The following LENG9 variants were observed in gnomAD, a reference collection of about 807,000 sequenced individuals.
LENG9 encodes leukocyte receptor cluster (LRC) member 9.
For missense variants in LENG9, 872 were observed against 652.7 expected (o/e 1.34, Z -3.66); for synonymous variants, 410 against 303.9 (o/e 1.35, Z -3.63).
chr19:54,462,692 A>G lies in LENG9; in HGVS notation c.835T>C (p.Trp279Arg), dbSNP rs1486427513. Reference sequence around the variant, plus strand: ...AGGCGGGCCCTTTTGTCCTCGGGCCAGGCCGCAGGACCCCACTCGGCTTCT... The same window carrying G: ...AGGCGGGCCCTTTTGTCCTCGGGCCGGGCCGCAGGACCCCACTCGGCTTCT... ...TTEAEWGPAA[W>R]PEDKRARLSV... The change falls in exon 1 of 1, where the codon TGG (tryptophan) becomes CGG (arginine). Residue 279 changes from tryptophan to arginine, a missense_variant. Coordinates refer to ENST00000611161, the MANE Select transcript of LENG9 (RefSeq NM_001301782.2). 1.2e-6 allele frequency: 2 copies of G among 1,611,176 alleles called. No individual in the cohort carries two copies. The highest frequency in any genetic ancestry group is 2.2e-5 in the South Asian group (2 of 91,082).
At position 54,463,518 on chromosome 19, in the gene LENG9, C is replaced by T. The variant is rs773005465; in HGVS notation, c.9G>A (p.Ala3=). 327 of 1,360,410 alleles carry T rather than the reference C, an allele frequency of 2.4e-4. No homozygotes were observed. The highest frequency in any genetic ancestry group is 1.9e-4 in the Admixed American group (6 of 32,136). 84.3% of individuals were successfully genotyped at this position (1,360,410 alleles called of 1,614,324 possible). Residue 3 remains alanine, a synonymous_variant, in exon 1 of 1, where the codon GCG becomes GCA. Coordinates refer to ENST00000611161, the MANE Select transcript of LENG9 (RefSeq NM_001301782.2). MA[A]AREPELPQEA... ...CCTGCGGCAACTCCGGCTCTCTGGC[C>T]GCTGCCATGGGTGCGGGGAACTGGC...
In LENG9 at chr19:54,463,734, C is replaced by G. The variant is rs1203143012; in HGVS notation, c.-208G>C. 1.7e-6 allele frequency: 1 copy of G among 593,588 alleles called. No individual in the cohort carries two copies. The highest frequency in any genetic ancestry group is 4.5e-5 in the Admixed American group (1 of 22,050). The allele number at this position is 593,588 out of a possible 1,614,324, so 36.8% of individuals were successfully genotyped here. A position where few individuals can be genotyped will look rare whatever the true frequency, so the allele number is the denominator to read the frequency against. ...CCTGACACCGCTGCTCTGGGACTTC[C>G]CGGCTGCGCCCTCCCCCAGCGCCAG... On this transcript the variant is annotated 5_prime_UTR_variant, in exon 1 of 1. Transcript: ENST00000611161.
rs1321883221 is a variant in LENG9, at chr19:54,461,806, T to G, written c.*284A>C. The G allele has an allele frequency of 2.6e-5, 12 of 467,666 alleles. No homozygotes were observed. Among genetic ancestry groups the G allele is most frequent in the East Asian group, 1.4e-4 (2 of 14,070 alleles). 29.0% of individuals were successfully genotyped at this position (467,666 alleles called of 1,614,324 possible). On this transcript the variant is annotated 3_prime_UTR_variant, in exon 1 of 1. Transcript: ENST00000611161. The stretch of plus-strand genomic sequence containing the variant: ...CTCCTCTCCCTTTTCTTTTTGGCCC[T>G]CCCTCCCTCCCTCTTCTGCCATGTA...
In LENG9 at chr19:54,462,630, ATGTG is replaced by A. The variant is rs763512581; in HGVS notation, c.893_896del (p.Thr298IlefsTer7). On this transcript the variant is annotated frameshift_variant, in exon 1 of 1. Transcript: ENST00000611161. LOFTEE classifies it low-confidence loss of function (END_TRUNC). ...GCTCGGTCACCATGAGGGCCACAAA[ATGTG>A]TGGGGCGCGGTTGGCAAGGGGCTGC... 5.8e-5 allele frequency: 93 copies of A among 1,613,476 alleles called. No individual in the cohort carries two copies. Among genetic ancestry groups the A allele is most frequent in the Non-Finnish European group, 7.2e-5 (85 of 1,180,022 alleles).
In LENG9 at chr19:54,462,426, C is replaced by T. The variant is rs375081831; in HGVS notation, c.1101G>A (p.Pro367=). 3.0e-5 allele frequency: 49 copies of T among 1,613,460 alleles called. No individual in the cohort carries two copies. Among genetic ancestry groups the T allele is most frequent in the Non-Finnish European group, 4.1e-5 (48 of 1,179,904 alleles). ...TCAGCCGAGGGGGTGCATTTAGCCC[C>T]GGGGCCAAGAGGGCCCGTCTCAGAG... ...IGALRRALLA[P]GLNAPPRLSF... is the part of the protein sequence containing the mutation. Residue 367 remains proline (P), a synonymous_variant, in exon 1 of 1, where the codon CCG becomes CCA. Coordinates refer to ENST00000611161, the MANE Select transcript of LENG9 (RefSeq NM_001301782.2).
rs758371777 is a variant in LENG9, at chr19:54,463,066, C to T, written c.461G>A (p.Arg154His). ...LVFGSGSAAG[R>H]GPTILDAPNT... is the part of the protein sequence containing the mutation. ...CGGTGCGTCCAGGATGGTGGGCCCG[C>T]GTCCCGCCGCCGAGCCAGAGCCAAA... Residue 154 changes from arginine (R) to histidine (H), a missense_variant, in exon 1 of 1, where the codon CGC becomes CAC. Physicochemically the swap from Arg to His is conservative, Grantham distance 29. Coordinates refer to ENST00000611161, the MANE Select transcript of LENG9 (RefSeq NM_001301782.2). The T allele has an allele frequency of 1.4e-5, 23 of 1,601,516 alleles. No homozygotes were observed. In the South Asian group the frequency reaches 2.5e-4, roughly 18 times the overall value.
Position 54,463,124 on chromosome 19 carries a change from C to T in LENG9, c.403G>A (p.Val135Met), listed in dbSNP as rs1465599635. The change falls in exon 1 of 1, where the codon GTG becomes ATG. Residue 135 changes from valine (V) to methionine (M), a missense_variant. Transcript: ENST00000611161. ...VRFFRFRGRL[V>M]WDRASRTDLV... ...TCGGTGCGCGAGGCGCGGTCCCACA[C>T]AAGGCGGCCACGGAAGCGGAAGAAG... 4.4e-6 allele frequency: 7 copies of T among 1,599,152 alleles called. No individual in the cohort carries two copies. The highest frequency in any genetic ancestry group is 5.9e-6 in the Non-Finnish European group (7 of 1,177,976).
rs753652584 is a variant in LENG9 at position 54,461,763 on chromosome 19, TTTAAG to T, written c.*322_*326del. The T allele has an allele frequency of 3.0e-4, 166 of 559,092 alleles. 1 individual carries two copies. Among genetic ancestry groups the T allele is most frequent in the African/African-American group, 9.2e-4 (49 of 53,528 alleles). 34.6% of individuals were successfully genotyped at this position (559,092 alleles called of 1,614,324 possible). On this transcript the variant is annotated 3_prime_UTR_variant, in exon 1 of 1. Transcript: ENST00000611161. ...TCTCTTTTCTTTGTGTGTGTGTTTA[TTTAAG>T]TTATTTTTCTTCCTCCTCTCCCTTT...
Position 54,462,355 on chromosome 19 carries a change from G to A in LENG9, c.1172C>T (p.Pro391Leu). The change falls in exon 1 of 1, where the codon CCA (proline) becomes CTA (leucine). Residue 391 changes from proline to leucine, a missense_variant. By Grantham distance (98) the Pro-to-Leu change is moderately conservative. Transcript: ENST00000611161. ...VLLGPHVLCA[P>L]PSPTLESMAQ... is the part of the protein sequence containing the mutation. Reference sequence around the variant, plus strand: ...CATGCTTTCCAGTGTGGGAGAGGGTGGGGCACACAGCACATGCGGGCCCAG... The same window carrying A: ...CATGCTTTCCAGTGTGGGAGAGGGTAGGGCACACAGCACATGCGGGCCCAG... The A allele has an allele frequency of 6.2e-7, 1 of 1,611,082 alleles. No individual in the cohort carries two copies.
In LENG9 at chr19:54,463,149, G is replaced by A. The variant is rs749644477; in HGVS notation, c.378C>T (p.Arg126=). 3 of 1,593,238 alleles carry A rather than the reference G, an allele frequency of 1.9e-6. No homozygotes were observed. Among genetic ancestry groups the A allele is most frequent in the Non-Finnish European group, 1.7e-6 (2 of 1,175,594 alleles). Residue 126 remains arginine (R), a synonymous_variant, in exon 1 of 1, where the codon CGC becomes CGT. Transcript: ENST00000611161. ...CAAGGCGGCCACGGAAGCGGAAGAA[G>A]CGCACGCGGTGCTGGGGCACTGCCA... The part of the protein sequence containing the change: ...GVLAVPQHRV[R]FFRFRGRLVW...
At position 54,462,769 on chromosome 19, in the gene LENG9, C is replaced by T. The variant is rs1242706565; in HGVS notation, c.758G>A (p.Gly253Glu). The T allele has an allele frequency of 2.5e-6, 4 of 1,611,178 alleles. No individual in the cohort carries two copies. The highest frequency in any genetic ancestry group is 2.5e-6 in the Non-Finnish European group (3 of 1,179,874). The part of the protein sequence containing the change: ...PTAATRTTLL[G>E]GKEAQALGVP... ...TCCCAGGGCCTGTGCTTCCTTGCCC[C>T]CCAGCAATGTGGTCCTGGTGGCTGC... Residue 253 changes from glycine (G) to glutamate (E), a missense_variant, in exon 1 of 1, where the codon GGG becomes GAG. Physicochemically the swap from Gly to Glu is moderately conservative, Grantham distance 98 (BLOSUM62 -2). Transcript: ENST00000611161.
Position 54,462,656 on chromosome 19 carries a change from CTGCAA to C in LENG9, c.866_870del (p.Val289GlyfsTer88). ...TGTGTGGGGCGCGGTTGGCAAGGGG[CTGCAA>C]CACTAAGGCGGGCCCTTTTGTCCTC... is the stretch of plus-strand genomic sequence containing the variant. On this transcript the variant is annotated frameshift_variant, in exon 1 of 1. Transcript: ENST00000611161. LOFTEE classifies it low-confidence loss of function (END_TRUNC). 1 of 1,612,810 alleles carries C rather than the reference CTGCAA, an allele frequency of 6.2e-7. No homozygotes were observed. The highest frequency in any genetic ancestry group is 8.5e-7 in the Non-Finnish European group (1 of 1,180,022).
chr19:54,463,065 G>T lies in LENG9; in HGVS notation c.462C>A (p.Arg154=). ...TCGGTGCGTCCAGGATGGTGGGCCC[G>T]CGTCCCGCCGCCGAGCCAGAGCCAA... is the stretch of plus-strand genomic sequence containing the variant. The part of the protein sequence containing the change: ...LVFGSGSAAG[R]GPTILDAPNT... Residue 154 remains arginine, a synonymous_variant, in exon 1 of 1, where the codon CGC becomes CGA. Transcript: ENST00000611161. The T allele has an allele frequency of 6.2e-7, 1 of 1,601,370 alleles. No homozygotes were observed. Among genetic ancestry groups the T allele is most frequent in the East Asian group, 2.2e-5 (1 of 44,820 alleles).
Position 54,463,486 on chromosome 19 carries a change from G to GGGGCT in LENG9, c.36_40dup (p.Pro14GlnfsTer226). ...CGGCGGGGGCGCGGGTTCCGTGGCG[G>GGGGCT]GGGCTTCCTGCGGCAACTCCGGCTC... On this transcript the variant is annotated frameshift_variant, in exon 1 of 1. Coordinates refer to ENST00000611161, the MANE Select transcript of LENG9 (RefSeq NM_001301782.2). LOFTEE classifies it low-confidence loss of function (END_TRUNC). The GGGGCT allele has an allele frequency of 7.6e-7, 1 of 1,308,106 alleles. No homozygotes were observed. Among genetic ancestry groups the GGGGCT allele is most frequent in the East Asian group, 3.1e-5 (1 of 32,068 alleles). The allele number at this position is 1,308,106 out of a possible 1,614,324, so 81.0% of individuals were successfully genotyped here. A position where few individuals can be genotyped will look rare whatever the true frequency, so the allele number is the denominator to read the frequency against.
chr19:54,462,976 G>A lies in LENG9; in HGVS notation c.551C>T (p.Ala184Val). 1.9e-6 allele frequency: 3 copies of A among 1,606,856 alleles called. No individual in the cohort carries two copies. The highest frequency in any genetic ancestry group is 1.7e-6 in the Non-Finnish European group (2 of 1,179,492). ...GCTCCCTCGCTTGGGGGCAGCCTGG[G>A]CCTCCTGACCTGTCCCCGCCAGTGT... ...EWTLAGTGQE[A>V]QAAPKRGSTR... is the part of the protein sequence containing the mutation. Residue 184 changes from alanine (A) to valine (V), a missense_variant, in exon 1 of 1, where the codon GCC becomes GTC. By Grantham distance (64) the Ala-to-Val change is moderately conservative. Transcript: ENST00000611161.
rs1569317299 is a variant in LENG9, at chr19:54,462,765, G to C, written c.762C>G (p.Gly254=). The C allele has an allele frequency of 2.5e-6, 4 of 1,610,990 alleles. No individual in the cohort carries two copies. Among genetic ancestry groups the C allele is most frequent in the Admixed American group, 3.3e-5 (2 of 59,954 alleles). ...TAATRTTLLG[G]KEAQALGVPG... ...GGACTCCCAGGGCCTGTGCTTCCTT[G>C]CCCCCCAGCAATGTGGTCCTGGTGG... is the stretch of plus-strand genomic sequence containing the variant. The change falls in exon 1 of 1, where the codon GGC becomes GGG. Residue 254 remains glycine, a synonymous_variant. Transcript: ENST00000611161.
In LENG9 at chr19:54,463,631, C is replaced by A; in HGVS notation, c.-105G>T. On this transcript the variant is annotated 5_prime_UTR_variant, in exon 1 of 1. Transcript: ENST00000611161. ...CTCACCCGACAGTGGCGTCAGCGGC[C>A]CGCGCTCCGGCCTAGCTCTGGGGAC... 1 of 1,258,402 alleles carries A rather than the reference C, an allele frequency of 7.9e-7. No homozygotes were observed. Among genetic ancestry groups the A allele is most frequent in the South Asian group, 2.4e-5 (1 of 41,470 alleles). The allele number at this position is 1,258,402 out of a possible 1,614,324, so 78.0% of individuals were successfully genotyped here.
rs764341380 is a variant in LENG9 at position 54,462,153 on chromosome 19, C to T, written c.1374G>A (p.Trp458Ter). Residue 458 changes from tryptophan (W) to a stop codon, truncating the protein, a stop_gained, in exon 1 of 1, where the codon TGG (tryptophan) becomes TGA (stop). Transcript: ENST00000611161. LOFTEE classifies it low-confidence loss of function (END_TRUNC). ...CCCCTGTCCTCCCTATACGGCACAGCCAGAGTGTCTGCAGGGGCTGGCACC... is the reference window on the plus strand; with the variant it reads ...CCCCTGTCCTCCCTATACGGCACAGTCAGAGTGTCTGCAGGGGCTGGCACC... Reference protein sequence around the residue: ...EVGCQPLQTLWLCRIGRTGGP... With the variant: ...EVGCQPLQTL 3.1e-6 allele frequency: 5 copies of T among 1,607,770 alleles called. No homozygotes were observed. The highest frequency in any genetic ancestry group is 1.7e-4 in the Middle Eastern group (1 of 6,034).
chr19:54,461,922 C>T lies in LENG9; in HGVS notation c.*168G>A. 1.1e-6 allele frequency: 1 copy of T among 915,890 alleles called. No homozygotes were observed. The allele number at this position is 915,890 out of a possible 1,614,324, so 56.7% of individuals were successfully genotyped here. ...CTCCTCTGCCTCCCCTTCCCCTCCT[C>T]TCCCCTCCTTTTCCTTCCTTCCTTC... is the stretch of plus-strand genomic sequence containing the variant. On this transcript the variant is annotated 3_prime_UTR_variant, in exon 1 of 1. Transcript: ENST00000611161.
Sources: allele counts gnomAD v4.1 joint callset, GRCh38; gene constraint gnomAD v4.1.1; transcripts MANE v1.5; gene names NCBI Gene and HGNC (gene_info 2026-07-23, HGNC 2026-07-21).